Variants in CMTM4 observed in about 807,000 individuals in gnomAD.
The protein encoded by CMTM4 is CKLF like MARVEL transmembrane domain containing 4, also known as CKLF-like MARVEL transmembrane domain-containing protein 4.
Under a neutral mutation model 19.0 loss-of-function variants are expected in CMTM4, and 8 were observed. The ratio of observed to expected loss-of-function variants is 0.42; its 90% CI spans 0.25 to 0.76. CMTM4 has a LOEUF of 0.76. CMTM4 is among the 30% of genes least tolerant of loss of function. The pLI, the probability that CMTM4 is intolerant of heterozygous loss-of-function variation, is 0.27. For missense variants in CMTM4, 228 were observed against 290.2 expected (o/e 0.79, Z 1.56); for synonymous variants, 106 against 121.1 (o/e 0.88, Z 0.82).
At chr16:66,683,149 A>ATATATATACG (rs1567432063) in intron 1 of CMTM4, among the ~76,000 whole-genome samples, 1 of 127,260 alleles carries the variant, frequency 7.9e-6, no homozygotes, top group South Asian at 2.6e-4. Context: ...ATATATATGT[A>ATATATATACG]TATATATATA....
intron 1 of CMTM4, among the ~76,000 whole-genome samples, chr16:66,665,262 T>TA (rs71145929): frequency 0.013 from 772 of 59,706 alleles, 7 homozygotes; most frequent in Middle Eastern, 0.057. Flanking sequence ...CCCTGTTTCT[T>TA]AAAAAAAAAA....
rs546252434 is a variant in CMTM4, at chr16:66,617,084, A to G, written c.*4974T>C. The G allele has an allele frequency of 8.0e-6, 4 of 497,278 alleles. No individual in the cohort carries two copies. The South Asian group carries it at 9.8e-5, about 12-fold the overall frequency. 30.8% of individuals were successfully genotyped at this position (497,278 alleles called of 1,614,324 possible). On this transcript the variant is annotated 3_prime_UTR_variant, in exon 4 of 4. Transcript: ENST00000394106. The stretch of plus-strand genomic sequence containing the variant: ...CTAAACTCAAACTTTAAAAGTTTCA[A>G]TAGCTCCCTGGGGGTCCAAGCCAAA...
chr16:66,600,141 T>A, the CMTM4 span, among the ~76,000 whole-genome samples: 1 of 144,898 alleles, frequency 6.9e-6, no homozygotes, highest in Non-Finnish European at 1.5e-5. Flanking sequence ...TGTGTGTTTT[T>A]TTTTGTTTTT....
the CMTM4 span, among the ~76,000 whole-genome samples, chr16:66,606,271 C>A: frequency 6.6e-6 from 1 of 152,050 alleles, no homozygotes; most frequent in African/African-American, 2.4e-5. Flanking sequence ...GAGGAAGTGG[C>A]CCCAGAAATC....
chr16:66,672,835 A>G (rs1345337239), intron 1 of CMTM4, among the ~76,000 whole-genome samples: 5 of 148,256 alleles, frequency 3.4e-5, no homozygotes, highest in Non-Finnish European at 7.4e-5. Context: ...TATGTCGGCC[A>G]GGCTAGTCTT....
the CMTM4 span, among the ~76,000 whole-genome samples, chr16:66,607,560 G>A: frequency 7.2e-6 from 1 of 137,954 alleles, no homozygotes; most frequent in Non-Finnish European, 1.6e-5. Flanking sequence ...AACACTTCAG[G>A]ACGCATATCA....
chr16:66,625,704 A>G (rs1415402168), intron 2 of CMTM4, among the ~76,000 whole-genome samples: 1 of 152,246 alleles, frequency 6.6e-6, no homozygotes, highest in Non-Finnish European at 1.5e-5. Context: ...CAAGAGCATA[A>G]CATATCTGCC....
intron 1 of CMTM4, among the ~76,000 whole-genome samples, chr16:66,683,202 T>TATATTTATAC (rs2016970866): frequency 7.3e-6 from 1 of 137,178 alleles, no homozygotes; most frequent in Admixed American, 7.6e-5. Flanking sequence ...TACATATATA[T>TATATTTATAC]ATATATATAA....
Position 66,623,422 on chromosome 16 carries a change from T to C in CMTM4, c.444A>G (p.Gly148=). ...TGCTTACCACGGCAGCAATTTCTGC[T>C]CCGGCTCTATGGTTTAAAGCAGCCA... ...IVLAALNHRA[G]AEIAAVIFGF... is the part of the protein sequence containing the mutation. Residue 148 remains glycine (G), a synonymous_variant, in exon 3 of 4, where the codon GGA becomes GGG. Transcript: ENST00000394106. The C allele has an allele frequency of 6.2e-7, 1 of 1,613,788 alleles. No homozygotes were observed. The highest frequency in any genetic ancestry group is 8.5e-7 in the Non-Finnish European group (1 of 1,179,876).
At chr16:66,632,239 C>CA (rs1000579055) in intron 2 of CMTM4, among the ~76,000 whole-genome samples, 11 of 152,206 alleles carry the variant, frequency 7.2e-5, no homozygotes, top group African/African-American at 2.7e-4. Context: ...GGTGAGAACC[C>CA]AAGAGCAACC....
chr16:66,674,784 C>T (rs1479019864), intron 1 of CMTM4, among the ~76,000 whole-genome samples: 1 of 137,916 alleles, frequency 7.3e-6, no homozygotes, highest in Non-Finnish European at 1.5e-5. Flanking sequence ...TCTTGTTGCC[C>T]AGGCTGGAGT....
intron 1 of CMTM4, among the ~76,000 whole-genome samples, chr16:66,680,478 CAA>C (rs1333416836): frequency 9.3e-5 from 9 of 96,756 alleles, no homozygotes; most frequent in Admixed American, 2.3e-4. Flanking sequence ...GACTCCATCT[CAA>C]AAAAAAAAAA....
chr16:66,649,309 G>A (rs1410498996), intron 1 of CMTM4, among the ~76,000 whole-genome samples: 2 of 152,058 alleles, frequency 1.3e-5, no homozygotes, highest in African/African-American at 4.8e-5. Flanking sequence ...ATTTAGGCAA[G>A]TACCATCCCT....
chr16:66,620,634 A>G lies in CMTM4; in HGVS notation c.*1424T>C. The stretch of plus-strand genomic sequence containing the variant: ...ACAGTACGCTGCTAAAGCTGTCAAC[A>G]TTTGTCAGCACTTGATCTTGGGGAT... On this transcript the variant is annotated 3_prime_UTR_variant, in exon 4 of 4. Transcript: ENST00000394106. The G allele has an allele frequency of 2.0e-6, 2 of 985,598 alleles. No individual in the cohort carries two copies. Among genetic ancestry groups the G allele is most frequent in the Middle Eastern group, 5.2e-4 (1 of 1,916 alleles). 61.1% of individuals were successfully genotyped at this position (985,598 alleles called of 1,614,324 possible). A position where few individuals can be genotyped will look rare whatever the true frequency, so the allele number is the denominator to read the frequency against.
intron 1 of CMTM4, among the ~76,000 whole-genome samples, chr16:66,685,841 C>T (rs1015156026): frequency 3.3e-5 from 5 of 152,098 alleles, no homozygotes; most frequent in African/African-American, 1.2e-4. Context: ...GATCTTGTTT[C>T]ACCACGTTAC....
chr16:66,612,685 C>G (rs1436383850), downstream of CMTM4: 1 of 1,597,256 alleles, frequency 6.3e-7, no homozygotes, highest in Admixed American at 1.7e-5. This position sits in a 1 kb window ranked among gnomAD's most constrained non-coding sequence, Gnocchi z 6.0. Flanking sequence ...GCCTCCACCC[C>G]TGCGCCTCAC....
chr16:66,606,730 T>C, the CMTM4 span, among the ~76,000 whole-genome samples: 1 of 152,304 alleles, frequency 6.6e-6, no homozygotes, highest in South Asian at 2.1e-4. Context: ...TGGTGGCTCA[T>C]GCCTGTAATC....
At chr16:66,680,737 G>A (rs1435440530) in intron 1 of CMTM4, among the ~76,000 whole-genome samples, 3 of 124,228 alleles carry the variant, frequency 2.4e-5, no homozygotes, top group Non-Finnish European at 4.7e-5. Flanking sequence ...TCGTGCCACT[G>A]CACTCCAGCC....
intron 1 of CMTM4, among the ~76,000 whole-genome samples, chr16:66,659,448 C>T (rs1421614649): frequency 1.3e-5 from 2 of 151,768 alleles, no homozygotes; most frequent in African/African-American, 4.8e-5. Context: ...AACAAATTAC[C>T]CCATTTCATC....
Sources: allele counts gnomAD v4.1 joint callset (sites outside exome capture counted in the v4.1 genomes callset), GRCh38; gene constraint gnomAD v4.1.1; non-coding constraint Gnocchi (gnomAD v3.1); transcripts MANE v1.5; gene names NCBI Gene and HGNC (gene_info 2026-07-23, HGNC 2026-07-21).